AIMP2: variants seen among roughly 807,000 people sequenced by gnomAD.
AIMP2 encodes aminoacyl tRNA synthase complex-interacting multifunctional protein 2.
A neutral mutation model predicts 23.4 loss-of-function variants in AIMP2; 20 were observed. The ratio of observed to expected loss-of-function variants is 0.85; its 90% CI spans 0.60 to 1.24. AIMP2 has a LOEUF of 1.24. Ranked by LOEUF, AIMP2 falls within the 50% of genes most tolerant of loss-of-function variation. AIMP2 has a pLI of 0.00. For synonymous variants in AIMP2, 210 were observed against 170.4 expected (o/e 1.23, Z -1.81); for missense variants, 515 against 414.5 (o/e 1.24, Z -2.10).
intron 2 of AIMP2, among the ~76,000 whole-genome samples, chr7:6,017,293 GT>G (rs1295387769): frequency 6.6e-6 from 1 of 151,872 alleles, no homozygotes; most frequent in Non-Finnish European, 1.5e-5. Flanking sequence ...AGACGGACAG[GT>G]CATTTGAGGT....
In AIMP2 at chr7:6,014,250, C is replaced by CTTTT. The variant is rs57008315; in HGVS notation, c.136-874_136-871dup. On this transcript the variant is annotated intron_variant, in intron 1 of 3. Transcript: ENST00000223029. ...TAGCCACAACTTTTATTTGTTGAAG[C>CTTTT]TTTTTTTTTTTTTTTTTTTTTTTTT... Among the ~76,000 whole-genome samples, 412 of 67,528 alleles carry CTTTT rather than the reference C, an allele frequency of 6.1e-3. 2 individuals carry two copies. Among genetic ancestry groups the CTTTT allele is most frequent in the Non-Finnish European group, 7.2e-3 (282 of 39,034 alleles). The allele number at this position is 67,528 out of a possible 152,430, so 44.3% of individuals were successfully genotyped here. A position where few individuals can be genotyped will look rare whatever the true frequency, so the allele number is the denominator to read the frequency against.
chr7:6,010,936 G>A (rs2128875487), intron 1 of AIMP2, among the ~76,000 whole-genome samples: 1 of 152,090 alleles, frequency 6.6e-6, no homozygotes, highest in Admixed American at 6.6e-5. Context: ...CAAAGTGCTG[G>A]GATTACAAAC....
intron 3 of AIMP2, among the ~76,000 whole-genome samples, chr7:6,018,333 A>G (rs1473843596): frequency 6.6e-6 from 1 of 150,512 alleles, no homozygotes; most frequent in Non-Finnish European, 1.5e-5. Context: ...TATTTTTAGT[A>G]GAGACGGGGT....
chr7:6,009,589 C>A, intron 1 of AIMP2, 91 bp downstream of exon 1: 2 of 1,179,692 alleles, frequency 1.7e-6, no homozygotes, highest in Non-Finnish European at 2.2e-6. Context: ...GCGTCCCAAC[C>A]GGTTCACGGC....
intron 3 of AIMP2, among the ~76,000 whole-genome samples, chr7:6,018,825 C>T (rs537963773): frequency 6.6e-6 from 1 of 151,688 alleles, no homozygotes; most frequent in Non-Finnish European, 1.5e-5. Flanking sequence ...CAGAACGAGA[C>T]TCCATCTCAA....
intron 1 of AIMP2, among the ~76,000 whole-genome samples, chr7:6,013,301 G>A (rs1213051646): frequency 7.8e-5 from 10 of 127,600 alleles, no homozygotes; most frequent in African/African-American, 1.8e-4. Context: ...TCACTCTGCC[G>A]CCTAGGCTGG....
In AIMP2 at chr7:6,023,389, T is replaced by C; in HGVS notation, c.661T>C (p.Phe221Leu). 1 of 1,614,188 alleles carries C rather than the reference T, an allele frequency of 6.2e-7. No individual in the cohort carries two copies. ...CATTGCACGTTTCTTGTTCTCTCTG[T>C]TTGGCCAGAAGCATAATGCTGTCAA... ...GNIARFLFSL[F>L]GQKHNAVNAT... Residue 221 changes from phenylalanine (F) to leucine (L), a missense_variant, in exon 4 of 4, where the codon TTT (phenylalanine) becomes CTT (leucine). By Grantham distance (22) the Phe-to-Leu change is conservative. Coordinates refer to ENST00000223029, the MANE Select transcript of AIMP2 (RefSeq NM_006303.4).
Position 6,009,978 on chromosome 7 carries a change from T to TAC in AIMP2, c.135+481_135+482insCA, listed in dbSNP as rs1554310972. Among the ~76,000 whole-genome samples the TAC allele has an allele frequency of 8.1e-5, 5 of 62,086 alleles. 1 individual carries two copies. Among genetic ancestry groups the TAC allele is most frequent in the East Asian group, 1.3e-3 (2 of 1,494 alleles). 40.7% of individuals were successfully genotyped at this position (62,086 alleles called of 152,430 possible). A position where few individuals can be genotyped will look rare whatever the true frequency, so the allele number is the denominator to read the frequency against. The stretch of plus-strand genomic sequence containing the variant: ...AAAAAAAAAAAAAAAAAAAAAAATA[T>TAC]ATATATATATATATGTATGTATCTT... On this transcript the variant is annotated intron_variant, in intron 1 of 3. Transcript: ENST00000223029.
intron 1 of AIMP2, 145 bp downstream of exon 1, chr7:6,009,643 C>A: frequency 2.9e-6 from 2 of 691,494 alleles, no homozygotes; most frequent in Non-Finnish European, 4.1e-6. Flanking sequence ...CTCACTCAGA[C>A]TTTTATGTTT....
chr7:6,012,739 A>C, intron 1 of AIMP2: 1 of 733,994 alleles, frequency 1.4e-6, no homozygotes, highest in Non-Finnish European at 1.9e-6. Flanking sequence ...TTTGTGTTTC[A>C]GTAGAAATGG....
At position 6,023,301 on chromosome 7, in the gene AIMP2, A is replaced by G. The variant is rs869312968; in HGVS notation, c.575-2A>G. 6.9e-6 allele frequency: 11 copies of G among 1,583,442 alleles called. No homozygotes were observed. The Admixed American group carries it at 9.0e-5, about 13-fold the overall frequency. On this transcript the variant is annotated splice_acceptor_variant, in intron 3 of 3. Transcript: ENST00000223029. LOFTEE classifies it high-confidence loss of function. ...GCTACCTGGCGTGTTTTTTCTTTTC[A>G]GTGCCGAAGACGCAGATGAAATTCA...
intron 3 of AIMP2, among the ~76,000 whole-genome samples, chr7:6,019,838 A>G (rs574218185): frequency 6.6e-6 from 1 of 152,180 alleles, no homozygotes; most frequent in African/African-American, 2.4e-5. Context: ...CCTGGCCAAC[A>G]TGGTGAAACC....
At chr7:6,015,899 G>A (rs551892936) in intron 2 of AIMP2, among the ~76,000 whole-genome samples, 1 of 152,346 alleles carries the variant, frequency 6.6e-6, no homozygotes, top group Non-Finnish European at 1.5e-5. Context: ...AGAGGACAGG[G>A]AGGATCTGTA....
chr7:6,009,318 G>C lies in AIMP2; in HGVS notation c.-46G>C, dbSNP rs1410284546. The C allele has an allele frequency of 1.4e-5, 22 of 1,611,424 alleles. No individual in the cohort carries two copies. The highest frequency in any genetic ancestry group is 1.8e-5 in the Non-Finnish European group (21 of 1,179,936). On this transcript the variant is annotated 5_prime_UTR_variant, in exon 1 of 4. Transcript: ENST00000223029. ...CGTCGTGACCTCTGACGGTTTCTGAGCGTTGGCCTTTGGCACGCGCTACCC... is the reference window on the plus strand; with the variant it reads ...CGTCGTGACCTCTGACGGTTTCTGACCGTTGGCCTTTGGCACGCGCTACCC...
At chr7:6,011,089 C>T (rs997066225) in intron 1 of AIMP2, among the ~76,000 whole-genome samples, 1 of 152,158 alleles carries the variant, frequency 6.6e-6, no homozygotes, top group Non-Finnish European at 1.5e-5. Flanking sequence ...ATCCATCCTG[C>T]TTGCTCAGGG....
chr7:6,017,712 C>T, intron 2 of AIMP2, 102 bp from the exon 3 acceptor site: 9 of 979,874 alleles, frequency 9.2e-6, no homozygotes, highest in South Asian at 1.6e-5. Flanking sequence ...ATGGAAGTGG[C>T]GGAGTCGGTT....
At chr7:6,009,989 A>ATATATATATATATATATATATG (rs1259647902) in intron 1 of AIMP2, among the ~76,000 whole-genome samples, 9 of 108,404 alleles carry the variant, frequency 8.3e-5, no homozygotes, top group Admixed American at 9.8e-5. Context: ...ATATATATAT[A>ATATATATATATATATATATATG]TATGTATGTA....
Position 6,015,366 on chromosome 7 carries a change from G to T in AIMP2, c.342+14G>T. On this transcript the variant is annotated intron_variant, in intron 2 of 3. Coordinates refer to ENST00000223029, the MANE Select transcript of AIMP2 (RefSeq NM_006303.4). Reference sequence around the variant, plus strand: ...GTGCTTGGGAAGGTAGGTTCGTTTTGAAAGCTGAAACGTTAGTAGGTACTG... The same window carrying T: ...GTGCTTGGGAAGGTAGGTTCGTTTTTAAAGCTGAAACGTTAGTAGGTACTG... The T allele has an allele frequency of 1.2e-6, 2 of 1,613,398 alleles. No homozygotes were observed. Among genetic ancestry groups the T allele is most frequent in the Non-Finnish European group, 8.5e-7 (1 of 1,179,478 alleles).
chr7:6,010,236 T>A (rs1229006227), intron 1 of AIMP2, among the ~76,000 whole-genome samples: 1 of 151,778 alleles, frequency 6.6e-6, no homozygotes, highest in Non-Finnish European at 1.5e-5. Flanking sequence ...GAAAAGTGAA[T>A]AGCACATAAA....
Sources: allele counts gnomAD v4.1 joint callset (sites outside exome capture counted in the v4.1 genomes callset), GRCh38; gene constraint gnomAD v4.1.1; transcripts MANE v1.5; gene names NCBI Gene and HGNC (gene_info 2026-07-23, HGNC 2026-07-21).